Variants in USP42 observed in about 807,000 individuals in gnomAD.
USP42 encodes ubiquitin specific peptidase 42, also known as ubiquitin carboxyl-terminal hydrolase 42.
USP42 carries 23 observed loss-of-function variants against 113.0 expected under a neutral mutation model. The observed-to-expected ratio is 0.20, with a 90% CI of 0.15 to 0.29. The LOEUF is 0.29. Ranked by LOEUF, USP42 falls within the 10% of genes least tolerant of loss-of-function variation. The probability of loss-of-function intolerance (pLI) is 1.00; values close to 1 mark genes in which losing one functional copy is unlikely to be tolerated. For missense variants in USP42, 2,174 were observed against 1,779.8 expected (o/e 1.22, Z -3.99); for synonymous variants, 933 against 699.0 (o/e 1.33, Z -5.28).
intron 3 of USP42, among the ~76,000 whole-genome samples, chr7:6,122,142 C>T (rs886784263): frequency 1.3e-5 from 2 of 152,064 alleles, no homozygotes; most frequent in Admixed American, 6.5e-5. Flanking sequence ...GTGCTCTGTT[C>T]CAGTGTCTTA....
chr7:6,092,051 TTC>T, the USP42 span, among the ~76,000 whole-genome samples: 69 of 70,220 alleles, frequency 9.8e-4, 2 homozygotes, highest in African/African-American at 1.2e-3. Context: ...CTTCTTCTTC[TTC>T]TTTCTTCTTC....
At chr7:6,142,861 G>T in intron 7 of USP42, 71 bp from the exon 8 acceptor site, 2 of 1,488,158 alleles carry the variant, frequency 1.3e-6, no homozygotes, top group South Asian at 1.2e-5. Context: ...TCCAGCCTGG[G>T]TGGCAGGGCA....
Position 6,144,205 on chromosome 7 carries a change from AT to A in USP42, c.990+10del. 2 of 1,536,702 alleles carry A rather than the reference AT, an allele frequency of 1.3e-6. No homozygotes were observed. Among genetic ancestry groups the A allele is most frequent in the Non-Finnish European group, 1.8e-6 (2 of 1,127,376 alleles). On this transcript the variant is annotated intron_variant, in intron 9 of 17. Coordinates refer to ENST00000306177, the MANE Select transcript of USP42 (RefSeq NM_032172.3). ...GTGGAAAAATTGCTAAGGTATGTGG[AT>A]GATGTCATTAATCATGTTTTATGTC...
the USP42 span, among the ~76,000 whole-genome samples, chr7:6,083,191 C>T: frequency 6.7e-5 from 10 of 149,760 alleles, no homozygotes; most frequent in East Asian, 1.9e-3. Flanking sequence ...TCCCAAAGGG[C>T]TGGGGTTACA....
the USP42 span, among the ~76,000 whole-genome samples, chr7:6,091,975 TTTTTTCTTCTTCTTCTTCTTC>T: frequency 1.7e-4 from 22 of 132,390 alleles, 1 homozygote; most frequent in East Asian, 1.5e-3. Flanking sequence ...CAAGGACGTA[TTTTTTCTTCTTCTTCTTCTTC>T]TTCTTCTTCT....
At chr7:6,135,082 G>T (rs1183394482) in intron 3 of USP42, among the ~76,000 whole-genome samples, 1 of 152,156 alleles carries the variant, frequency 6.6e-6, no homozygotes, top group Non-Finnish European at 1.5e-5. Context: ...GAGCCATGGC[G>T]CCTGGCTTCC....
In USP42 at chr7:6,161,473, C is replaced by CTTT. The variant is rs1199015361; in HGVS notation, c.*956_*958dup. 1 of 152,522 alleles carries CTTT rather than the reference C, an allele frequency of 6.6e-6. No individual in the cohort carries two copies. The highest frequency in any genetic ancestry group is 6.5e-5 in the Admixed American group (1 of 15,272). 9.4% of individuals were successfully genotyped at this position (152,522 alleles called of 1,614,324 possible). A position where few individuals can be genotyped will look rare whatever the true frequency, so the allele number is the denominator to read the frequency against. On this transcript the variant is annotated 3_prime_UTR_variant, in exon 18 of 18. Transcript: ENST00000306177. ...TGTTCAGAGATGTTTAAAGTTTGAT[C>CTTT]TTTGTTTTTCTAAAGATTAAAAAAG...
chr7:6,107,762 ATTTCT>A (rs1212947743), intron 1 of USP42, among the ~76,000 whole-genome samples: 4 of 151,694 alleles, frequency 2.6e-5, no homozygotes, highest in African/African-American at 9.7e-5. Context: ...CTGTTTCATA[ATTTCT>A]TTTAACTATT....
At chr7:6,131,852 C>G (rs1430731531) in intron 3 of USP42, among the ~76,000 whole-genome samples, 1 of 152,160 alleles carries the variant, frequency 6.6e-6, no homozygotes, top group Admixed American at 6.5e-5. Context: ...GAATAGAAAA[C>G]TACCTCTATT....
At chr7:6,106,428 C>G (rs1230714223) in intron 1 of USP42, among the ~76,000 whole-genome samples, 1 of 152,192 alleles carries the variant, frequency 6.6e-6, no homozygotes, top group Non-Finnish European at 1.5e-5. Flanking sequence ...AAGAATAATG[C>G]ATTCTAGCAT....
the USP42 span, among the ~76,000 whole-genome samples, chr7:6,091,226 CTT>C: frequency 6.6e-6 from 1 of 150,690 alleles, no homozygotes; most frequent in South Asian, 2.1e-4. Context: ...CTTCTCTTCT[CTT>C]TTCTTTTCTT....
chr7:6,103,878 C>G (rs1779100150), upstream of USP42, among the ~76,000 whole-genome samples: 2 of 151,112 alleles, frequency 1.3e-5, no homozygotes, highest in South Asian at 4.1e-4. Context: ...ACAGTAAGAC[C>G]TCTGTCCCTA....
intron 8 of USP42, among the ~76,000 whole-genome samples, chr7:6,143,813 G>GTT (rs1300287257): frequency 6.6e-6 from 1 of 152,068 alleles, no homozygotes; most frequent in African/African-American, 2.4e-5. Flanking sequence ...AGGAAGTTGT[G>GTT]TTAACCTAAT....
chr7:6,084,901 T>A, the USP42 span, among the ~76,000 whole-genome samples: 1 of 150,364 alleles, frequency 6.7e-6, no homozygotes, highest in Non-Finnish European at 1.5e-5. Context: ...ACATTTTTAG[T>A]ATAGATGGGG....
rs1007832780 is a variant in USP42 at position 6,154,923 on chromosome 7, C to G, written c.3369C>G (p.His1123Gln). The G allele has an allele frequency of 6.5e-7, 1 of 1,549,848 alleles. No homozygotes were observed. The highest frequency in any genetic ancestry group is 1.2e-5 in the South Asian group (1 of 84,092). ...RPSSPRAGAP[H>Q]ALAPHPDRFS... ...GCAGCCCCCGCGCAGGCGCGCCCCA[C>G]GCCCTCGCCCCGCACCCCGACCGCT... is the stretch of plus-strand genomic sequence containing the variant. Residue 1123 changes from histidine (H) to glutamine (Q), a missense_variant, in exon 15 of 18, where the codon CAC (histidine) becomes CAG (glutamine). Transcript: ENST00000306177.
intron 13 of USP42, 42 bp downstream of exon 13, chr7:6,150,344 C>G (rs760112303): frequency 1.2e-6 from 2 of 1,605,816 alleles, no homozygotes; most frequent in Non-Finnish European, 1.7e-6. Flanking sequence ...TGTGGCGGTT[C>G]CCTTGGCTGG....
intron 14 of USP42, 138 bp downstream of exon 14, chr7:6,150,644 A>G (rs1468898896): frequency 7.3e-6 from 6 of 827,512 alleles, no homozygotes; most frequent in South Asian, 1.8e-5. Context: ...ATTATAATGT[A>G]TAGGATTTAT....
intron 2 of USP42, among the ~76,000 whole-genome samples, chr7:6,112,324 C>T (rs984159251): frequency 6.6e-6 from 1 of 152,048 alleles, no homozygotes; most frequent in Non-Finnish European, 1.5e-5. Context: ...TGGTGTGTGC[C>T]TATAATCCCA....
In USP42 at chr7:6,154,690, C is replaced by T. The variant is rs763843037; in HGVS notation, c.3136C>T (p.Arg1046Trp). 1 of 1,603,796 alleles carries T rather than the reference C, an allele frequency of 6.2e-7. No homozygotes were observed. The highest frequency in any genetic ancestry group is 8.5e-7 in the Non-Finnish European group (1 of 1,176,098). ...CACCGAGGGCGAGCGTGGCTGGGGC[C>T]GGGAGAAGTTCTACCCCGACAGGCC... ...HYTEGERGWG[R>W]EKFYPDRPRW... The change falls in exon 15 of 18, where the codon CGG (arginine) becomes TGG (tryptophan). Residue 1046 changes from arginine (R) to tryptophan (W), a missense_variant. Arg to Trp is a moderately radical substitution (Grantham distance 101). Transcript: ENST00000306177.
Sources: allele counts gnomAD v4.1 joint callset (sites outside exome capture counted in the v4.1 genomes callset), GRCh38; gene constraint gnomAD v4.1.1; transcripts MANE v1.5; gene names NCBI Gene and HGNC (gene_info 2026-07-23, HGNC 2026-07-21).